The following CPS1 variants were observed in gnomAD, a reference collection of about 807,000 sequenced individuals.
The protein encoded by CPS1 is carbamoyl-phosphate synthase 1, also known as carbamoyl-phosphate synthase [ammonia], mitochondrial.
Under a neutral mutation model 174.6 loss-of-function variants are expected in CPS1, and 109 were observed. The ratio of observed to expected loss-of-function variants is 0.62; its 90% confidence interval spans 0.53 to 0.73. CPS1 has a LOEUF of 0.73. Ranked by LOEUF, CPS1 falls within the 30% of genes least tolerant of loss-of-function variation. CPS1 has a pLI of 0.00. For missense variants in CPS1, 1,689 were observed against 1,821.9 expected (o/e 0.93, Z 1.33); for synonymous variants, 637 against 632.0 (o/e 1.01, Z -0.12).
At chr2:210,505,683 C>T (rs1695259485) in intron 1 of CPS1, among the ~76,000 whole-genome samples, 1 of 152,160 alleles carries the variant, frequency 6.6e-6, no homozygotes, top group Non-Finnish European at 1.5e-5. Flanking sequence ...TTGGGTCACT[C>T]CCACCCTAAC....
chr2:210,571,597 G>A (rs547393507), intron 1 of CPS1, among the ~76,000 whole-genome samples: 7 of 151,848 alleles, frequency 4.6e-5, no homozygotes, highest in Non-Finnish European at 1.0e-4. Flanking sequence ...TAAACAAGAC[G>A]TCGGAATATA....
chr2:210,637,890 G>T, intron 22 of CPS1, 47 bp downstream of exon 22: 1 of 1,607,878 alleles, frequency 6.2e-7, no homozygotes, highest in Non-Finnish European at 8.5e-7. Flanking sequence ...CAGGATTTCT[G>T]TGGTAAAACG....
At chr2:210,575,382 A>C (rs1268356036) in intron 2 of CPS1, among the ~76,000 whole-genome samples, 1 of 152,070 alleles carries the variant, frequency 6.6e-6, no homozygotes, top group Admixed American at 6.6e-5. Context: ...GAGCAGGAAA[A>C]AAACCTCAAT....
At chr2:210,572,698 T>C (rs1697543173) in intron 1 of CPS1, among the ~76,000 whole-genome samples, 1 of 152,044 alleles carries the variant, frequency 6.6e-6, no homozygotes, top group Admixed American at 6.6e-5. Flanking sequence ...ACTTCTAGAA[T>C]GTTCCACAGT....
At chr2:210,586,654 A>C (rs1360885092) in intron 6 of CPS1, among the ~76,000 whole-genome samples, 2 of 152,082 alleles carry the variant, frequency 1.3e-5, no homozygotes, top group African/African-American at 4.8e-5. Flanking sequence ...TGTTATTCTT[A>C]TGGACAGTAT....
chr2:210,573,213 A>G (rs1697574938), intron 1 of CPS1, 85 bp from the exon 2 acceptor site: 2 of 1,171,642 alleles, frequency 1.7e-6, no homozygotes, highest in Non-Finnish European at 2.6e-6. Flanking sequence ...CCTTTATTTA[A>G]TATGTCTGTG....
At chr2:210,619,814 T>C (rs1699445157) in intron 21 of CPS1, 1 of 151,964 alleles carries the variant, frequency 6.6e-6, no homozygotes, top group Non-Finnish European at 1.5e-5. Context: ...AAATTGATGG[T>C]CAGTCTCTGA....
chr2:210,554,707 G>A (rs534913765), upstream of CPS1, among the ~76,000 whole-genome samples: 4 of 151,562 alleles, frequency 2.6e-5, no homozygotes, highest in South Asian at 8.4e-4. Context: ...TAACTAACCT[G>A]CACAATGTGC....
At chr2:210,656,676 A>C in intron 30 of CPS1, 44 bp downstream of exon 30, 2 of 1,405,332 alleles carry the variant, frequency 1.4e-6, no homozygotes, top group Non-Finnish European at 1.0e-6. Context: ...GGCAACACTC[A>C]GAAAAAAACA....
intron 21 of CPS1, among the ~76,000 whole-genome samples, chr2:210,625,622 C>T (rs2105880079): frequency 6.6e-6 from 1 of 152,100 alleles, no homozygotes; most frequent in South Asian, 2.1e-4. Flanking sequence ...ATCCCACTGT[C>T]ATGGGAGCCA....
chr2:210,489,879 T>A (rs1345489422), intron 1 of CPS1, among the ~76,000 whole-genome samples: 1 of 151,736 alleles, frequency 6.6e-6, no homozygotes, highest in Non-Finnish European at 1.5e-5. Context: ...ACGCCTGTAG[T>A]CCCAGCTACT....
chr2:210,606,683 G>C (rs1698922285), intron 17 of CPS1, 48 bp from the exon 18 acceptor site: 5 of 1,557,490 alleles, frequency 3.2e-6, no homozygotes, highest in Middle Eastern at 1.7e-4. Context: ...CGCTGAAGTT[G>C]GTTATTTCAA....
chr2:210,640,981 A>G (rs1202840255), intron 24 of CPS1, among the ~76,000 whole-genome samples: 1 of 152,222 alleles, frequency 6.6e-6, no homozygotes, highest in Non-Finnish European at 1.5e-5. Flanking sequence ...AGTGCCAGGA[A>G]GTTCAGTTGT....
intron 1 of CPS1, among the ~76,000 whole-genome samples, chr2:210,558,877 G>T (rs1697009251): frequency 1.3e-5 from 2 of 152,012 alleles, no homozygotes; most frequent in South Asian, 4.1e-4. Context: ...TGACAAATTT[G>T]TAGGAGCACT....
At chr2:210,486,076 A>G (rs1267382058) in intron 1 of CPS1, among the ~76,000 whole-genome samples, 2 of 147,058 alleles carry the variant, frequency 1.4e-5, no homozygotes, top group Non-Finnish European at 3.0e-5. Context: ...ATATGTATAT[A>G]TATGTGTATA....
At chr2:210,575,502 C>A (rs570640453) in intron 2 of CPS1, among the ~76,000 whole-genome samples, 1 of 135,786 alleles carries the variant, frequency 7.4e-6, no homozygotes, top group Admixed American at 7.5e-5. Context: ...TATATACACA[C>A]ACGATATGTA....
intron 34 of CPS1, chr2:210,671,850 G>A (rs1701315992): frequency 6.6e-6 from 1 of 152,136 alleles, no homozygotes; most frequent in Non-Finnish European, 1.5e-5. Flanking sequence ...AGGTCTTAGA[G>A]GACTTGCTGA....
upstream of CPS1, among the ~76,000 whole-genome samples, chr2:210,552,113 T>G (rs912417143): frequency 1.3e-5 from 2 of 151,998 alleles, no homozygotes; most frequent in African/African-American, 2.4e-5. Context: ...CAATTACTTC[T>G]ACCTTTTATA....
At chr2:210,542,848 G>A (rs899824648) in intron 1 of CPS1, among the ~76,000 whole-genome samples, 70 of 152,062 alleles carry the variant, frequency 4.6e-4, no homozygotes, top group African/African-American at 1.4e-3. Flanking sequence ...GTCACTCTCT[G>A]ATCTACTTCA....
Sources: gnomAD v4.1 joint callset for allele counts (sites outside exome capture counted in the v4.1 genomes callset) on GRCh38, gnomAD v4.1.1 for gene constraint, MANE v1.5 for transcripts, NCBI Gene and HGNC (gene_info 2026-07-23, HGNC 2026-07-21) for gene names.